The following ARID5B variants were observed in gnomAD, a reference collection of about 807,000 sequenced individuals.
ARID5B encodes the protein AT-rich interactive domain-containing protein 5B.
In ARID5B, 13 loss-of-function variants were observed where a neutral mutation model predicts 97.2. The ratio of observed to expected loss-of-function variants is 0.13; its 90% CI spans 0.09 to 0.21. The LOEUF (loss-of-function observed/expected upper bound fraction) is 0.21. Ranked by LOEUF, ARID5B falls within the 10% of genes least tolerant of loss-of-function variation. The pLI is 1.00. For synonymous variants in ARID5B, 556 were observed against 570.3 expected, an observed-to-expected ratio of 0.97 and a Z score of 0.36; for missense variants, 1,210 against 1,465.3, an observed-to-expected ratio of 0.83 and a Z score of 2.84.
chr10:61,918,530 T>A (rs1843950157), intron 2 of ARID5B, among the ~76,000 whole-genome samples: 1 of 152,192 alleles, frequency 6.6e-6, no homozygotes, highest in Non-Finnish European at 1.5e-5. Context: ...AATAACTAAT[T>A]TATGGGTTGA....
At chr10:62,055,889 A>G (rs372793639) in intron 5 of ARID5B, among the ~76,000 whole-genome samples, 1 of 5,476 alleles carries the variant, frequency 1.8e-4, no homozygotes, top group African/African-American at 1.9e-4. Context: ...CTGCAGGGAA[A>G]GAAAAAGGTT....
At chr10:61,992,926 A>G (rs960973882) in intron 3 of ARID5B, among the ~76,000 whole-genome samples, 4 of 152,210 alleles carry the variant, frequency 2.6e-5, no homozygotes, top group African/African-American at 9.7e-5. Flanking sequence ...TAACCACAAC[A>G]GTGCAATACT....
chr10:62,021,029 A>AATATATATATATAT (rs10528323), intron 4 of ARID5B, among the ~76,000 whole-genome samples: 37 of 106,838 alleles, frequency 3.5e-4, no homozygotes, highest in African/African-American at 9.2e-4. Context: ...TTGTCACATG[A>AATATATATATATAT]ATATATATAT....
At chr10:62,039,571 C>A (rs1262722038) in intron 4 of ARID5B, among the ~76,000 whole-genome samples, 1 of 152,106 alleles carries the variant, frequency 6.6e-6, no homozygotes, top group Non-Finnish European at 1.5e-5. Context: ...CCACAGGAAT[C>A]AAAAAGTGAG....
chr10:61,952,746 T>C (rs1008740132), intron 3 of ARID5B, among the ~76,000 whole-genome samples: 1 of 152,178 alleles, frequency 6.6e-6, no homozygotes, highest in South Asian at 2.1e-4. Flanking sequence ...TAATTAGTAG[T>C]CATCTATTCA....
chr10:62,075,475 G>A (rs1840117599), intron 8 of ARID5B, among the ~76,000 whole-genome samples: 1 of 152,162 alleles, frequency 6.6e-6, no homozygotes, highest in Non-Finnish European at 1.5e-5. Flanking sequence ...CAGGGTTCCA[G>A]GCGCTCTTAC....
intron 2 of ARID5B, among the ~76,000 whole-genome samples, chr10:61,934,196 G>T (rs1844259398): frequency 6.6e-6 from 1 of 152,174 alleles, no homozygotes; most frequent in Non-Finnish European, 1.5e-5. Context: ...TCGTAGAATT[G>T]AAGAGAGTTA....
At chr10:61,977,260 A>T (rs1304495848) in intron 3 of ARID5B, among the ~76,000 whole-genome samples, 4 of 152,150 alleles carry the variant, frequency 2.6e-5, no homozygotes, top group Admixed American at 6.5e-5. Flanking sequence ...TCTATCATTG[A>T]TGGACATTTG....
At chr10:62,076,745 A>G (rs1055023890) in intron 8 of ARID5B, among the ~76,000 whole-genome samples, 4 of 152,172 alleles carry the variant, frequency 2.6e-5, no homozygotes, top group Admixed American at 2.0e-4. Flanking sequence ...TCCAAGTCAC[A>G]TACCCCAAAG....
chr10:62,013,489 C>T (rs1415791904), intron 4 of ARID5B, among the ~76,000 whole-genome samples: 3 of 151,958 alleles, frequency 2.0e-5, no homozygotes, highest in African/African-American at 7.3e-5. Flanking sequence ...TTTAAGAATA[C>T]ATTATTAACT....
intron 6 of ARID5B, among the ~76,000 whole-genome samples, chr10:62,058,676 A>G (rs1008760113): frequency 6.6e-6 from 1 of 152,180 alleles, no homozygotes; most frequent in Non-Finnish European, 1.5e-5. Context: ...TATCTGTTGT[A>G]TCACTGTGGC....
At chr10:62,042,839 T>C (rs1018134386) in intron 4 of ARID5B, among the ~76,000 whole-genome samples, 1 of 146,766 alleles carries the variant, frequency 6.8e-6, no homozygotes, top group Non-Finnish European at 1.5e-5. Context: ...GGTGTGAACC[T>C]GGGAGGTGGA....
At chr10:62,054,254 C>G (rs1839827167) in intron 5 of ARID5B, among the ~76,000 whole-genome samples, 1 of 152,164 alleles carries the variant, frequency 6.6e-6, no homozygotes, top group Non-Finnish European at 1.5e-5. Context: ...CCCATTTCCA[C>G]TACCACCTGC....
At chr10:62,041,271 C>T (rs7902146) in intron 4 of ARID5B, among the ~76,000 whole-genome samples, 103,587 of 151,968 alleles carry the variant, frequency 0.68, 35,816 homozygotes, top group Non-Finnish European at 0.74. Flanking sequence ...ATCTTGGCTC[C>T]GGTACCTGCA....
At chr10:62,038,975 C>T (rs1027757434) in intron 4 of ARID5B, among the ~76,000 whole-genome samples, 6 of 152,130 alleles carry the variant, frequency 3.9e-5, no homozygotes, top group East Asian at 3.8e-4. Flanking sequence ...CCACTAACAG[C>T]GAATAATGAT....
intron 4 of ARID5B, among the ~76,000 whole-genome samples, chr10:62,023,683 C>G (rs1364024692): frequency 1.3e-5 from 2 of 152,120 alleles, no homozygotes; most frequent in Non-Finnish European, 2.9e-5. Context: ...ATTTAAAAGA[C>G]AAGTAGCGAT....
intron 4 of ARID5B, among the ~76,000 whole-genome samples, chr10:62,019,112 G>A (rs1839321309): frequency 6.6e-6 from 1 of 152,128 alleles, no homozygotes. Context: ...TCTGGATTCA[G>A]CAATTATTGT....
chr10:62,006,193 G>C (rs1360054759), intron 4 of ARID5B, among the ~76,000 whole-genome samples: 1 of 152,170 alleles, frequency 6.6e-6, no homozygotes, highest in Non-Finnish European at 1.5e-5. Context: ...TGTAATCCTA[G>C]CACTTTGGGA....
Position 62,085,784 on chromosome 10 carries a change from A to G in ARID5B, c.1282A>G (p.Ser428Gly), listed in dbSNP as rs780286785. 5.6e-6 allele frequency: 9 copies of G among 1,614,162 alleles called. No homozygotes were observed. In the South Asian group the frequency reaches 9.9e-5, roughly 18 times the overall value. ...PPIKPRKQEN[S>G]SQENENKTKV... ...AATCAAACCTCGGAAACAGGAGAACAGTTCACAGGAAAATGAGAACAAAAC... is the reference window on the plus strand; with the variant it reads ...AATCAAACCTCGGAAACAGGAGAACGGTTCACAGGAAAATGAGAACAAAAC... Residue 428 changes from serine (S) to glycine (G), a missense_variant, in exon 9 of 10, where the codon AGT becomes GGT. Around this residue, in one of 8 missense-constraint regions of ARID5B, gnomAD observed 59 missense variants for 156.7 expected, o/e 0.38. Coordinates refer to ENST00000279873, the MANE Select transcript of ARID5B (RefSeq NM_032199.3).
Sources: gnomAD v4.1 joint callset for allele counts (sites outside exome capture counted in the v4.1 genomes callset) on GRCh38, gnomAD v4.1.1 for gene constraint, gnomAD v4.1.1 regional missense constraint, MANE v1.5 for transcripts, NCBI Gene and HGNC (gene_info 2026-07-23, HGNC 2026-07-21) for gene names.